EYS: variants seen among roughly 807,000 people sequenced by gnomAD.
EYS encodes the protein EGF-like photoreceptor maintenance factor.
EYS carries 250 observed loss-of-function variants against 282.1 expected under a neutral mutation model. The ratio of observed to expected loss-of-function variants is 0.89; its 90% confidence interval spans 0.80 to 0.98. EYS has a LOEUF of 0.98. Among genes scored for constraint, EYS ranks in the 50% least tolerant of loss-of-function variants. The probability of loss-of-function intolerance (pLI) is 0.00; values close to 1 mark genes in which losing one functional copy is unlikely to be tolerated. For synonymous variants in EYS, 1,355 were observed against 1,282.9 expected, an observed-to-expected ratio of 1.06 and a Z score of -1.20; for missense variants, 4,016 against 3,709.0, an observed-to-expected ratio of 1.08 and a Z score of -2.15.
chr6:64,926,439 T>C (rs1768519291), intron 15 of EYS, among the ~76,000 whole-genome samples: 1 of 152,170 alleles, frequency 6.6e-6, no homozygotes, highest in Admixed American at 6.5e-5. Flanking sequence ...CTAGGGCTGT[T>C]CCTGCTCATA....
chr6:64,303,658 C>T (rs185809449), intron 30 of EYS, among the ~76,000 whole-genome samples: 4,883 of 151,430 alleles, frequency 0.032, 182 homozygotes, highest in African/African-American at 0.088. Context: ...CTGGCTAACA[C>T]GGTGAAACCC....
At chr6:63,830,358 T>C (rs1771595194) in intron 36 of EYS, among the ~76,000 whole-genome samples, 1 of 152,042 alleles carries the variant, frequency 6.6e-6, no homozygotes, top group Admixed American at 6.5e-5. Context: ...GAATAAACAG[T>C]GTAAAGAAGA....
chr6:64,335,249 A>ACCCCCC (rs1770800689), intron 29 of EYS, among the ~76,000 whole-genome samples: 1 of 121,356 alleles, frequency 8.2e-6, no homozygotes, highest in Non-Finnish European at 1.7e-5. Flanking sequence ...GACTCCCCCC[A>ACCCCCC]CCCCCCCTCC....
intron 22 of EYS, among the ~76,000 whole-genome samples, chr6:64,685,993 A>G (rs989103866): frequency 6.6e-6 from 1 of 152,156 alleles, no homozygotes; most frequent in African/African-American, 2.4e-5. Context: ...AAAATAAAGT[A>G]TGGAAAAAAG....
intron 12 of EYS, among the ~76,000 whole-genome samples, chr6:65,237,594 G>A (rs574758): frequency 0.39 from 58,694 of 151,966 alleles, 12,508 homozygotes; most frequent in African/African-American, 0.57. Context: ...ATCAAGGATT[G>A]TGGTAGTGCT....
intron 19 of EYS, among the ~76,000 whole-genome samples, chr6:64,845,172 T>C (rs1437222658): frequency 6.6e-6 from 1 of 152,004 alleles, no homozygotes; most frequent in African/African-American, 2.4e-5. Context: ...GCACCTGTGG[T>C]TCCAGCTACT....
chr6:65,647,471 G>A (rs1231929497), intron 1 of EYS, among the ~76,000 whole-genome samples: 1 of 152,130 alleles, frequency 6.6e-6, no homozygotes, highest in Admixed American at 6.6e-5. Flanking sequence ...ACATGTAGAA[G>A]AATGAAGCTG....
chr6:65,219,527 C>T (rs1410001675), intron 12 of EYS, among the ~76,000 whole-genome samples: 3 of 152,008 alleles, frequency 2.0e-5, no homozygotes, highest in Admixed American at 6.6e-5. Flanking sequence ...AGAAATGTAG[C>T]TTTCAAGTAT....
chr6:64,033,954 A>G (rs1011683829), intron 33 of EYS, among the ~76,000 whole-genome samples: 1 of 152,182 alleles, frequency 6.6e-6, no homozygotes, highest in African/African-American at 2.4e-5. Flanking sequence ...GCTGAGTAGT[A>G]TCTTGAACAT....
Position 63,864,333 on chromosome 6 carries a change from A to G in EYS, c.7081T>C (p.Cys2361Arg), listed in dbSNP as rs1460402567. 8 of 1,550,368 alleles carry G rather than the reference A, an allele frequency of 5.2e-6. No individual in the cohort carries two copies. Among genetic ancestry groups the G allele is most frequent in the Non-Finnish European group, 7.0e-6 (8 of 1,146,306 alleles). The change falls in exon 36 of 43, where the codon TGT becomes CGT. Residue 2361 changes from cysteine to arginine, a missense_variant. Coordinates refer to ENST00000503581, the MANE Select transcript of EYS (RefSeq NM_001142800.2). ...ISDNENLFCE[C>R]PRLYSGKLCQ... is the part of the protein sequence containing the mutation. ...AGCTTGCCTGAATACAGCCTTGGACACTCACAAAACAGATTTTCATTATCA... is the reference window on the plus strand; with the variant it reads ...AGCTTGCCTGAATACAGCCTTGGACGCTCACAAAACAGATTTTCATTATCA...
At chr6:65,701,792 T>G (rs1018770657) in intron 1 of EYS, among the ~76,000 whole-genome samples, 4 of 152,228 alleles carry the variant, frequency 2.6e-5, no homozygotes, top group African/African-American at 9.6e-5. Flanking sequence ...GTGCATTTGT[T>G]GCATAAATAA....
At chr6:64,876,769 G>GTGA (rs1167264581) in intron 19 of EYS, among the ~76,000 whole-genome samples, 1 of 150,804 alleles carries the variant, frequency 6.6e-6, no homozygotes, top group Admixed American at 6.6e-5. Context: ...TCAGAGGGAA[G>GTGA]TGATACACAC....
At chr6:64,931,045 T>C (rs1768707648) in intron 15 of EYS, among the ~76,000 whole-genome samples, 1 of 152,158 alleles carries the variant, frequency 6.6e-6, no homozygotes, top group African/African-American at 2.4e-5. Flanking sequence ...AATTTGCTTT[T>C]TAATGTCTTG....
chr6:64,671,255 G>C (rs958189953), intron 22 of EYS, among the ~76,000 whole-genome samples: 14 of 152,184 alleles, frequency 9.2e-5, no homozygotes, highest in African/African-American at 3.4e-4. Context: ...TTAGAAGGTG[G>C]AGCCTTTGGG....
intron 5 of EYS, among the ~76,000 whole-genome samples, chr6:65,457,604 T>C (rs188487945): frequency 2.0e-5 from 3 of 152,302 alleles, no homozygotes; most frequent in Admixed American, 6.5e-5. Context: ...GAAATAATTC[T>C]TTCTTGTTCT....
At chr6:65,165,864 C>G (rs6910540) in intron 12 of EYS, among the ~76,000 whole-genome samples, 4,494 of 150,940 alleles carry the variant, frequency 0.03, 93 homozygotes, top group African/African-American at 0.058. Context: ...AAACTTAGAA[C>G]CAAGAGTGGG....
chr6:64,961,176 G>A (rs1381149729), intron 14 of EYS, among the ~76,000 whole-genome samples: 5 of 152,030 alleles, frequency 3.3e-5, no homozygotes, highest in South Asian at 2.1e-4. Flanking sequence ...CCTAGGAATG[G>A]GATTGCAGGG....
chr6:65,408,634 G>A (rs1191707594), intron 5 of EYS, among the ~76,000 whole-genome samples: 4 of 151,774 alleles, frequency 2.6e-5, no homozygotes, highest in Admixed American at 2.6e-4. Context: ...TGTTCATTCC[G>A]ACTAAAGATT....
At chr6:64,505,130 T>G (rs1176905157) in intron 26 of EYS, among the ~76,000 whole-genome samples, 1 of 152,182 alleles carries the variant, frequency 6.6e-6, no homozygotes, top group Non-Finnish European at 1.5e-5. Context: ...AGGGTAGAGA[T>G]ACAGAATAAT....
Sources: allele counts gnomAD v4.1 joint callset (sites outside exome capture counted in the v4.1 genomes callset), GRCh38; gene constraint gnomAD v4.1.1; transcripts MANE v1.5; gene names NCBI Gene and HGNC (gene_info 2026-07-23, HGNC 2026-07-21).